The following PLK1 variants were observed in gnomAD, a reference collection of about 807,000 sequenced individuals.
The protein encoded by PLK1 is serine/threonine-protein kinase PLK1.
A neutral mutation model predicts 56.7 loss-of-function variants in PLK1; 6 were observed. The ratio of observed to expected loss-of-function variants is 0.11; its 90% CI spans 0.06 to 0.21. The LOEUF (loss-of-function observed/expected upper bound fraction) is 0.21. Ranked by LOEUF, PLK1 falls within the 10% of genes least tolerant of loss-of-function variation. The pLI, the probability that PLK1 is intolerant of heterozygous loss-of-function variation, is 1.00. For missense variants in PLK1, 546 were observed against 814.4 expected (o/e 0.67, Z 4.01); for synonymous variants, 298 against 325.0 (o/e 0.92, Z 0.89).
chr16:23,683,529 T>G (rs928175323), intron 4 of PLK1, among the ~76,000 whole-genome samples: 3 of 152,046 alleles, frequency 2.0e-5, no homozygotes, highest in African/African-American at 7.2e-5. Context: ...ACTTTCCTCC[T>G]CTGTGAAAAA....
chr16:23,682,043 A>C (rs1487089969), intron 3 of PLK1, 21 bp from the exon 4 acceptor site: 1 of 1,404,320 alleles, frequency 7.1e-7, no homozygotes, highest in Non-Finnish European at 1.0e-6. Context: ...ACTGGTGCCA[A>C]ATCCTACCTT....
intron 5 of PLK1, among the ~76,000 whole-genome samples, chr16:23,686,295 T>A (rs1320681118): frequency 6.6e-6 from 1 of 152,188 alleles, no homozygotes; most frequent in Admixed American, 6.5e-5. Context: ...ACTCCTACTT[T>A]TTTTCTTTCA....
rs955713021 is a variant in PLK1 at position 23,682,991 on chromosome 16, T to C, written c.816+834T>C. Among the ~76,000 whole-genome samples the C allele has an allele frequency of 3.9e-3, 546 of 139,464 alleles. 1 individual carries two copies. The highest frequency in any genetic ancestry group is 6.1e-3 in the Non-Finnish European group (392 of 64,052). The allele number at this position is 139,464 out of a possible 152,430, so 91.5% of individuals were successfully genotyped here. On this transcript the variant is annotated intron_variant, in intron 4 of 9. Coordinates refer to ENST00000300093, the MANE Select transcript of PLK1 (RefSeq NM_005030.6). ...GCATAGTTGTGTGCATTTTCTTTTTTTTTTTTTTTTTTTTTTTGAGATGGA... is the reference window on the plus strand; with the variant it reads ...GCATAGTTGTGTGCATTTTCTTTTTCTTTTTTTTTTTTTTTTTGAGATGGA...
At position 23,679,042 on chromosome 16, in the gene PLK1, C is replaced by T. The variant is rs1959280009; in HGVS notation, c.110C>T (p.Ala37Val). ...APGAPAAAPPAKEIPEVLVDP... is the reference protein window; with the variant it reads ...APGAPAAAPPVKEIPEVLVDP... ...GGAGCTCCGGCGGCGGCTCCACCGG[C>T]GAAAGAGATCCCGGAGGTCCTAGTG... The change falls in exon 1 of 10, where the codon GCG (alanine) becomes GTG (valine). Residue 37 changes from alanine (A) to valine (V), a missense_variant. Physicochemically the swap from Ala to Val is moderately conservative, Grantham distance 64. Around this residue, in one of 7 missense-constraint regions of PLK1, gnomAD observed 72 missense variants for 63.7 expected, o/e 1.13. Coordinates refer to ENST00000300093, the MANE Select transcript of PLK1 (RefSeq NM_005030.6). The T allele has an allele frequency of 1.9e-6, 3 of 1,607,772 alleles. No homozygotes were observed. Among genetic ancestry groups the T allele is most frequent in the South Asian group, 1.1e-5 (1 of 90,882 alleles).
chr16:23,689,161 G>A lies in PLK1; in HGVS notation c.1271-77G>A. The A allele has an allele frequency of 9.8e-6, 13 of 1,331,268 alleles. No individual in the cohort carries two copies. Among genetic ancestry groups the A allele is most frequent in the Non-Finnish European group, 1.4e-5 (13 of 940,230 alleles). The allele number at this position is 1,331,268 out of a possible 1,614,324, so 82.5% of individuals were successfully genotyped here. On this transcript the variant is annotated intron_variant, in intron 7 of 9. Transcript: ENST00000300093. The surrounding 1 kb of genome is among the most constrained non-coding windows in gnomAD (Gnocchi z 4.8). ...AGCCTCCCAAAGTGCTGGAATCACA[G>A]GCATGTGCCACCACGCCCGGTCCCA... is the stretch of plus-strand genomic sequence containing the variant.
intron 5 of PLK1, among the ~76,000 whole-genome samples, chr16:23,684,542 C>CA (rs1409140193): frequency 6.6e-6 from 1 of 151,792 alleles, no homozygotes; most frequent in Non-Finnish European, 1.5e-5. Context: ...TTTGTAGAGA[C>CA]AGTGTTTTGC....
rs553513042 is a variant in PLK1, at chr16:23,682,552, G to A, written c.816+395G>A. Reference sequence around the variant, plus strand: ...TTTTTTTTTTTTTTTTATTTGAGGTGGAGTTTTGCTCTTGTTGCCCAGTGC... The same window carrying A: ...TTTTTTTTTTTTTTTTATTTGAGGTAGAGTTTTGCTCTTGTTGCCCAGTGC... On this transcript the variant is annotated intron_variant, in intron 4 of 9. Coordinates refer to ENST00000300093, the MANE Select transcript of PLK1 (RefSeq NM_005030.6). Among the ~76,000 whole-genome samples the A allele has an allele frequency of 1.2e-3, 175 of 149,554 alleles. 2 individuals are homozygous for A. Among genetic ancestry groups the A allele is most frequent in the African/African-American group, 4.0e-3 (161 of 40,404 alleles).
At chr16:23,680,879 C>T in intron 2 of PLK1, 35 bp from the exon 3 acceptor site, 1 of 1,585,346 alleles carries the variant, frequency 6.3e-7, no homozygotes. Context: ...CAGAGGCTGG[C>T]ATCTAAGTAC....
Position 23,689,372 on chromosome 16 carries a change from C to T in PLK1, c.1405C>T (p.Pro469Ser), listed in dbSNP as rs571020158. 6.2e-7 allele frequency: 1 copy of T among 1,611,516 alleles called. No homozygotes were observed. The highest frequency in any genetic ancestry group is 1.3e-5 in the African/African-American group (1 of 75,004). ...TESYLTVSSH[P>S]NSLMKKITLL... ...GTCCTACCTCACCGTGAGTTCCCAT[C>T]CCAACTCCTTGATGAAGAAGGTGAG... Residue 469 changes from proline (P) to serine (S), a missense_variant, in exon 8 of 10, where the codon CCC (proline) becomes TCC (serine). By Grantham distance (74) the Pro-to-Ser change is moderately conservative. Around this residue, in one of 7 missense-constraint regions of PLK1, gnomAD observed 113 missense variants for 202.0 expected, o/e 0.56. Coordinates refer to ENST00000300093, the MANE Select transcript of PLK1 (RefSeq NM_005030.6). This position sits in a 1 kb window ranked among gnomAD's most constrained non-coding sequence, Gnocchi z 4.8.
chr16:23,686,415 C>A (rs1300165294), intron 5 of PLK1, among the ~76,000 whole-genome samples: 1 of 152,188 alleles, frequency 6.6e-6, no homozygotes, highest in Non-Finnish European at 1.5e-5. Context: ...TACTAGTTAT[C>A]AACATTTGGA....
Position 23,688,722 on chromosome 16 carries a change from A to C in PLK1, c.1247A>C (p.Asp416Ala). The C allele has an allele frequency of 6.2e-7, 1 of 1,613,730 alleles. No homozygotes were observed. Among genetic ancestry groups the C allele is most frequent in the Non-Finnish European group, 8.5e-7 (1 of 1,179,600 alleles). The change falls in exon 7 of 10, where the codon GAC becomes GCC. Residue 416 changes from aspartate (D) to alanine (A), a missense_variant. Asp to Ala is a moderately radical substitution (Grantham distance 126). Coordinates refer to ENST00000300093, the MANE Select transcript of PLK1 (RefSeq NM_005030.6). ...IPIFWVSKWV[D>A]YSDKYGLGYQ... is the part of the protein sequence containing the mutation. Reference sequence around the variant, plus strand: ...ATCTTCTGGGTCAGCAAGTGGGTGGACTATTCGGACAAGTACGGCCTTGGT... The same window carrying C: ...ATCTTCTGGGTCAGCAAGTGGGTGGCCTATTCGGACAAGTACGGCCTTGGT...
At chr16:23,688,521 G>A in intron 6 of PLK1, 147 bp from the exon 7 acceptor site, 1 of 671,568 alleles carries the variant, frequency 1.5e-6, no homozygotes, top group Non-Finnish European at 2.7e-6. Context: ...GCCCTGCTTT[G>A]CTCTTCTCTG....
At chr16:23,684,712 T>C (rs968312326) in intron 5 of PLK1, among the ~76,000 whole-genome samples, 1 of 152,058 alleles carries the variant, frequency 6.6e-6, no homozygotes, top group Non-Finnish European at 1.5e-5. Flanking sequence ...TTCCTTTTTT[T>C]TGTGGCGTGA....
intron 2 of PLK1, 152 bp downstream of exon 2, chr16:23,680,404 AC>A: frequency 4.9e-6 from 3 of 609,918 alleles, no homozygotes; most frequent in Non-Finnish European, 5.7e-6. Flanking sequence ...TTTTTTTTTT[AC>A]AAAGAATTTG....
At chr16:23,682,192 G>A (rs199713535) in intron 4 of PLK1, 35 bp downstream of exon 4, 60 of 1,203,874 alleles carry the variant, frequency 5.0e-5, no homozygotes, top group Middle Eastern at 3.8e-4. Context: ...CATTTATTTT[G>A]TTTTCCCCAG....
In PLK1 at chr16:23,690,186, C is replaced by G. The variant is rs533422133; in HGVS notation, c.*123C>G. 1.4e-6 allele frequency: 1 copy of G among 737,642 alleles called. No homozygotes were observed. Among genetic ancestry groups the G allele is most frequent in the South Asian group, 1.5e-5 (1 of 64,728 alleles). 45.7% of individuals were successfully genotyped at this position (737,642 alleles called of 1,614,324 possible). A position where few individuals can be genotyped will look rare whatever the true frequency, so the allele number is the denominator to read the frequency against. ...CCCCAGCCCCGGTGGCTGGGCAGAG[C>G]TGCATCATCCTTGCAGGTGGGGGTT... On this transcript the variant is annotated 3_prime_UTR_variant, in exon 10 of 10. Transcript: ENST00000300093.
At chr16:23,681,292 T>C (rs1239245917) in intron 3 of PLK1, among the ~76,000 whole-genome samples, 1 of 151,052 alleles carries the variant, frequency 6.6e-6, no homozygotes, top group Non-Finnish European at 1.5e-5. Context: ...GGAGGGAGAG[T>C]CTCCACAACC....
chr16:23,680,169 A>G lies in PLK1; in HGVS notation c.494A>G (p.Gln165Arg), dbSNP rs1156269385. ...CTACGGCAAATTGTGCTTGGCTGCCAGTACCTGCACCGAAACCGAGTTATT... is the reference window on the plus strand; with the variant it reads ...CTACGGCAAATTGTGCTTGGCTGCCGGTACCTGCACCGAAACCGAGTTATT... ...YYLRQIVLGC[Q>R]YLHRNRVIHR... The change falls in exon 2 of 10, where the codon CAG becomes CGG. Residue 165 changes from glutamine to arginine, a missense_variant. Transcript: ENST00000300093. The G allele has an allele frequency of 6.2e-7, 1 of 1,613,810 alleles. No homozygotes were observed. Among genetic ancestry groups the G allele is most frequent in the Non-Finnish European group, 8.5e-7 (1 of 1,179,738 alleles).
At chr16:23,686,065 G>T (rs906040816) in intron 5 of PLK1, among the ~76,000 whole-genome samples, 3 of 152,066 alleles carry the variant, frequency 2.0e-5, no homozygotes, top group Admixed American at 2.0e-4. Context: ...TTGAGACAGG[G>T]TCTTGCTCTG....
Sources: gnomAD v4.1 joint callset for allele counts (sites outside exome capture counted in the v4.1 genomes callset) on GRCh38, gnomAD v4.1.1 for gene constraint, gnomAD v4.1.1 regional missense constraint, Gnocchi (gnomAD v3.1) non-coding constraint, MANE v1.5 for transcripts, NCBI Gene and HGNC (gene_info 2026-07-23, HGNC 2026-07-21) for gene names.